The following RGL1 variants were observed in gnomAD, a reference collection of about 807,000 sequenced individuals.
RGL1 encodes the protein ral guanine nucleotide dissociation stimulator like 1.
Under a neutral mutation model 95.2 loss-of-function variants are expected in RGL1, and 24 were observed. That is an observed-to-expected ratio of 0.25 (90% CI 0.18 to 0.35). The LOEUF is 0.35. RGL1 is among the 10% of genes least tolerant of loss of function. The pLI is 1.00. For synonymous variants in RGL1, 329 were observed against 344.9 expected, an observed-to-expected ratio of 0.95 and a Z score of 0.51; for missense variants, 715 against 936.3, an observed-to-expected ratio of 0.76 and a Z score of 3.08.
At chr1:183,865,935 T>C in intron 3 of RGL1, 61 bp from the exon 4 acceptor site, 1 of 1,101,790 alleles carries the variant, frequency 9.1e-7, no homozygotes, top group South Asian at 1.2e-5. Context: ...TGAAGTTGAA[T>C]AGAGTTGCTT....
At chr1:183,851,686 T>C (rs1664834167) in intron 3 of RGL1, among the ~76,000 whole-genome samples, 1 of 152,222 alleles carries the variant, frequency 6.6e-6, no homozygotes, top group South Asian at 2.1e-4. Flanking sequence ...AAATATCATT[T>C]ATTTAGATTA....
chr1:183,694,139 G>A (rs1203586960), intron 1 of RGL1, among the ~76,000 whole-genome samples: 1 of 152,340 alleles, frequency 6.6e-6, no homozygotes, highest in East Asian at 1.9e-4. Context: ...ACAGCTCTGA[G>A]TGAGGGACTA....
At chr1:183,851,292 A>C (rs560040770) in intron 3 of RGL1, among the ~76,000 whole-genome samples, 21 of 152,296 alleles carry the variant, frequency 1.4e-4, no homozygotes, top group African/African-American at 4.1e-4. Context: ...ATGCCTACAC[A>C]ATACCCAGCT....
chr1:183,840,599 A>AT (rs1320897490), intron 2 of RGL1, among the ~76,000 whole-genome samples: 5 of 152,160 alleles, frequency 3.3e-5, no homozygotes, highest in African/African-American at 1.2e-4. Context: ...ATGGTGGCTC[A>AT]TGCCTGTAAT....
At chr1:183,883,725 C>T in intron 5 of RGL1, 61 bp from the exon 6 acceptor site, 3 of 1,589,262 alleles carry the variant, frequency 1.9e-6, no homozygotes, top group East Asian at 2.2e-5. Context: ...AGTCTGATGA[C>T]TCTATAAGCA....
At chr1:183,697,914 G>A (rs183483356) in intron 1 of RGL1, among the ~76,000 whole-genome samples, 122 of 152,296 alleles carry the variant, frequency 8.0e-4, no homozygotes, top group Non-Finnish European at 7.3e-5. Context: ...TCTTGGTTGG[G>A]CATCTTTCTG....
chr1:183,901,627 CT>C (rs1245324559), intron 11 of RGL1, among the ~76,000 whole-genome samples: 3 of 152,040 alleles, frequency 2.0e-5, no homozygotes, highest in Non-Finnish European at 4.4e-5. Flanking sequence ...GTATTGCTGC[CT>C]GCTGTGGGGT....
At chr1:183,772,051 C>T (rs1316720904) in intron 2 of RGL1, among the ~76,000 whole-genome samples, 1 of 152,212 alleles carries the variant, frequency 6.6e-6, no homozygotes, top group Non-Finnish European at 1.5e-5. Context: ...CGCTGCCCAG[C>T]GGCCCAACTC....
intron 7 of RGL1, among the ~76,000 whole-genome samples, chr1:183,885,790 A>G (rs1026811094): frequency 2.6e-5 from 4 of 152,212 alleles, no homozygotes; most frequent in Admixed American, 2.0e-4. Context: ...TCAGCCTGAG[A>G]CAGTAGAGGA....
chr1:183,730,779 A>G (rs1338192334), intron 1 of RGL1, among the ~76,000 whole-genome samples: 1 of 152,166 alleles, frequency 6.6e-6, no homozygotes, highest in African/African-American at 2.4e-5. Flanking sequence ...GGCTGTTGAC[A>G]GATTTCTAGG....
At chr1:183,902,235 A>ATTTTTAGTAGAAAC (rs1668069156) in intron 11 of RGL1, among the ~76,000 whole-genome samples, 1 of 152,210 alleles carries the variant, frequency 6.6e-6, no homozygotes, top group Non-Finnish European at 1.5e-5. Context: ...TGCTTTTGGT[A>ATTTTTAGTAGAAAC]AGGGAAAAAA....
chr1:183,646,314 A>T (rs1468240721), intron 1 of RGL1: 1 of 152,196 alleles, frequency 6.6e-6, no homozygotes, highest in East Asian at 1.9e-4. Context: ...TTTAACCACA[A>T]TACTAATTGC....
intron 1 of RGL1, among the ~76,000 whole-genome samples, chr1:183,668,935 C>T (rs115378229): frequency 6.1e-5 from 7 of 115,532 alleles, no homozygotes; most frequent in Non-Finnish European, 1.1e-4. Context: ...ATTGGACTTT[C>T]TTTTCTTTTT....
At chr1:183,672,550 G>A (rs1186452) in intron 1 of RGL1, among the ~76,000 whole-genome samples, 60,415 of 151,836 alleles carry the variant, frequency 0.4, 12,240 homozygotes, top group African/African-American at 0.47. Context: ...TAATTTCTCC[G>A]GATCAGTCAT....
chr1:183,924,089 C>T (rs943604083), intron 17 of RGL1, among the ~76,000 whole-genome samples: 6 of 152,080 alleles, frequency 3.9e-5, no homozygotes, highest in African/African-American at 1.4e-4. Flanking sequence ...ACCAGAAATG[C>T]CATTTGACCC....
intron 9 of RGL1, among the ~76,000 whole-genome samples, chr1:183,897,417 C>A (rs142928412): frequency 3.3e-3 from 495 of 152,198 alleles, no homozygotes; most frequent in African/African-American, 0.011. Flanking sequence ...CAGGTGGTGG[C>A]GCATTCCTCT....
intron 1 of RGL1, among the ~76,000 whole-genome samples, chr1:183,698,357 C>T (rs914517622): frequency 3.9e-5 from 6 of 152,192 alleles, no homozygotes; most frequent in Non-Finnish European, 8.8e-5. Context: ...GACTCAATTC[C>T]TTGGTCACCT....
intron 1 of RGL1, among the ~76,000 whole-genome samples, chr1:183,656,010 G>A (rs1388887460): frequency 6.6e-6 from 1 of 151,972 alleles, no homozygotes; most frequent in Non-Finnish European, 1.5e-5. Context: ...CAGCCGACCA[G>A]ACCAAACCAA....
chr1:183,649,207 A>G (rs116198491), intron 1 of RGL1, among the ~76,000 whole-genome samples: 5 of 152,332 alleles, frequency 3.3e-5, no homozygotes, highest in African/African-American at 9.6e-5. Context: ...TACTTACCTG[A>G]TAAGATTGTC....
Sources: allele counts gnomAD v4.1 joint callset (sites outside exome capture counted in the v4.1 genomes callset), GRCh38; gene constraint gnomAD v4.1.1; transcripts MANE v1.5; gene names NCBI Gene and HGNC (gene_info 2026-07-23, HGNC 2026-07-21).